PCCA: variants seen among roughly 807,000 people sequenced by gnomAD.
The protein encoded by PCCA is propionyl-CoA carboxylase alpha chain, mitochondrial.
Under a neutral mutation model 101.3 loss-of-function variants are expected in PCCA, and 74 were observed. The ratio of observed to expected loss-of-function variants is 0.73; its 90% CI spans 0.61 to 0.89. The LOEUF (loss-of-function observed/expected upper bound fraction) is 0.89, where lower values mean the gene tolerates loss of function less well. PCCA is among the 40% of genes least tolerant of loss of function. PCCA has a pLI of 0.00. For missense variants in PCCA, 891 were observed against 907.0 expected, an observed-to-expected ratio of 0.98 and a Z score of 0.23; for synonymous variants, 294 against 313.6, an observed-to-expected ratio of 0.94 and a Z score of 0.66.
At chr13:100,219,656 A>G (rs2059702290) in intron 7 of PCCA, among the ~76,000 whole-genome samples, 1 of 152,168 alleles carries the variant, frequency 6.6e-6, no homozygotes, top group Non-Finnish European at 1.5e-5. Flanking sequence ...TATCAATAAA[A>G]TTTTTACTTG....
At chr13:100,342,872 C>T (rs1415133650) in intron 18 of PCCA, among the ~76,000 whole-genome samples, 1 of 151,790 alleles carries the variant, frequency 6.6e-6, no homozygotes, top group African/African-American at 2.4e-5. Flanking sequence ...CAGGAACATA[C>T]CACCACGCCT....
intron 19 of PCCA, among the ~76,000 whole-genome samples, chr13:100,372,209 G>A (rs2075616241): frequency 6.6e-6 from 1 of 152,086 alleles, no homozygotes; most frequent in African/African-American, 2.4e-5. Context: ...GCTGGGCTTG[G>A]TGGTGCATGG....
At position 100,491,299 on chromosome 13, in the gene PCCA, A is replaced by G. The variant is rs533812702; in HGVS notation, c.1900-24128A>G. The G allele has an allele frequency of 2.3e-5, 4 of 171,422 alleles. No homozygotes were observed. The East Asian group carries it at 7.1e-4, about 30-fold the overall frequency. The allele number at this position is 171,422 out of a possible 1,614,324, so 10.6% of individuals were successfully genotyped here. On this transcript the variant is annotated intron_variant, in intron 21 of 23. Transcript: ENST00000376285. ...AAAAGTGGTGTTTTCAATGGCAGGA[A>G]GTAGCATTGCTGCGTATTTTGTGTG...
intron 21 of PCCA, among the ~76,000 whole-genome samples, chr13:100,512,680 G>A (rs1566488281): frequency 6.6e-6 from 1 of 152,168 alleles, no homozygotes; most frequent in East Asian, 1.9e-4. Context: ...GGAAAACCTG[G>A]CTGCTTCTGG....
At chr13:100,110,730 A>T (rs1184078283) in intron 2 of PCCA, among the ~76,000 whole-genome samples, 1 of 152,138 alleles carries the variant, frequency 6.6e-6, no homozygotes, top group Admixed American at 6.5e-5. Flanking sequence ...TTTGAAAACA[A>T]CTCATGACAC....
intron 16 of PCCA, among the ~76,000 whole-genome samples, chr13:100,318,631 T>G (rs1356465206): frequency 6.6e-6 from 1 of 152,080 alleles, no homozygotes; most frequent in Non-Finnish European, 1.5e-5. Context: ...GGTTTCCAGC[T>G]TCATCCATGT....
chr13:100,261,983 C>T (rs949004620), intron 9 of PCCA, among the ~76,000 whole-genome samples: 37 of 152,150 alleles, frequency 2.4e-4, no homozygotes, highest in African/African-American at 6.8e-4. Context: ...TTTTTCTTTG[C>T]ATCTTCTGAC....
chr13:100,286,490 T>C (rs1396621961), intron 12 of PCCA, among the ~76,000 whole-genome samples: 11 of 152,018 alleles, frequency 7.2e-5, no homozygotes, highest in Admixed American at 6.6e-4. Flanking sequence ...TGAGTTAGGG[T>C]GGAGTAGGTA....
chr13:100,435,519 C>G (rs1009415076), intron 20 of PCCA, among the ~76,000 whole-genome samples: 2 of 152,162 alleles, frequency 1.3e-5, no homozygotes, highest in Admixed American at 1.3e-4. Context: ...TCATCCAGTC[C>G]GATCACGTGT....
rs146247295 is a variant in PCCA at position 100,486,688 on chromosome 13, T to C, written c.1900-28739T>C. The stretch of plus-strand genomic sequence containing the variant: ...AGCACTTTGGGAGGCCAAGGCAGGA[T>C]GATCACTTGAGCCCAGGAGTTTGCG... On this transcript the variant is annotated intron_variant, in intron 21 of 23. Coordinates refer to ENST00000376285, the MANE Select transcript of PCCA (RefSeq NM_000282.4). Among the ~76,000 whole-genome samples the C allele has an allele frequency of 3.5e-4, 53 of 152,298 alleles. No individual in the cohort carries two copies. In the East Asian group the frequency reaches 0.01, roughly 29 times the overall value.
chr13:100,522,167 G>A (rs896598424), intron 22 of PCCA, among the ~76,000 whole-genome samples: 1 of 152,198 alleles, frequency 6.6e-6, no homozygotes, highest in South Asian at 2.1e-4. Flanking sequence ...ATTGGCCTGC[G>A]TAGAAGTGAC....
chr13:100,202,620 G>T (rs1373532590), intron 6 of PCCA, among the ~76,000 whole-genome samples: 1 of 149,776 alleles, frequency 6.7e-6, no homozygotes, highest in Non-Finnish European at 1.5e-5. Flanking sequence ...AAATTTTCTT[G>T]AGTTGTATTT....
At chr13:100,209,507 A>G in intron 7 of PCCA, 44 bp downstream of exon 7, 3 of 1,550,540 alleles carry the variant, frequency 1.9e-6, no homozygotes, top group Non-Finnish European at 2.7e-6. Flanking sequence ...CTTCAAGTTA[A>G]ACATTTTGTC....
At chr13:100,306,249 G>T (rs1282970653) in intron 14 of PCCA, among the ~76,000 whole-genome samples, 2 of 152,162 alleles carry the variant, frequency 1.3e-5, no homozygotes, top group African/African-American at 4.8e-5. Flanking sequence ...GTGAGCTTCC[G>T]CTCTTCTCTT....
intron 12 of PCCA, among the ~76,000 whole-genome samples, chr13:100,276,934 C>A (rs1337178149): frequency 2.0e-5 from 3 of 151,982 alleles, no homozygotes; most frequent in African/African-American, 7.3e-5. Context: ...TGTTGAGTTC[C>A]TGTTGGGCCT....
chr13:100,135,541 A>G (rs2051055999), intron 4 of PCCA, among the ~76,000 whole-genome samples: 1 of 152,166 alleles, frequency 6.6e-6, no homozygotes, highest in African/African-American at 2.4e-5. Context: ...TAAACTCATT[A>G]GTTCTAGGAG....
At position 100,380,186 on chromosome 13, in the gene PCCA, GC is replaced by G. The variant is rs547431733; in HGVS notation, c.1746+11617del. Among the ~76,000 whole-genome samples the G allele has an allele frequency of 9.2e-5, 14 of 152,186 alleles. No individual in the cohort carries two copies. The East Asian group carries it at 2.7e-3, about 29-fold the overall frequency. The stretch of plus-strand genomic sequence containing the variant: ...AGACCAGCCTGAGAAATATAGTGAG[GC>G]CCCCATCTCTACAAAAAAGTTTTTT... On this transcript the variant is annotated intron_variant, in intron 19 of 23. Coordinates refer to ENST00000376285, the MANE Select transcript of PCCA (RefSeq NM_000282.4).
chr13:100,377,506 T>G (rs1348147838), intron 19 of PCCA, among the ~76,000 whole-genome samples: 1 of 152,094 alleles, frequency 6.6e-6, no homozygotes, highest in Non-Finnish European at 1.5e-5. Flanking sequence ...TTTTATTTTA[T>G]TTTTTTGAGA....
chr13:100,283,419 A>G (rs956931567), intron 12 of PCCA, among the ~76,000 whole-genome samples: 2 of 152,164 alleles, frequency 1.3e-5, no homozygotes, highest in African/African-American at 4.8e-5. Context: ...AAACCCATGA[A>G]TTATTCAATG....
Sources: gnomAD v4.1 joint callset for allele counts (sites outside exome capture counted in the v4.1 genomes callset) on GRCh38, gnomAD v4.1.1 for gene constraint, MANE v1.5 for transcripts, NCBI Gene and HGNC (gene_info 2026-07-23, HGNC 2026-07-21) for gene names.